Variants in RBFOX1 observed in about 807,000 individuals in gnomAD.
RBFOX1 encodes the protein RNA binding protein fox-1 homolog 1.
RBFOX1 carries 8 observed loss-of-function variants against 57.7 expected under a neutral mutation model. That is an observed-to-expected ratio of 0.14 (90% CI 0.08 to 0.25). The LOEUF (loss-of-function observed/expected upper bound fraction) is 0.25. Among genes scored for constraint, RBFOX1 ranks in the 10% least tolerant of loss-of-function variants. The probability of loss-of-function intolerance (pLI) is 1.00; values close to 1 mark genes in which losing one functional copy is unlikely to be tolerated. For missense variants in RBFOX1, 611 were observed against 548.5 expected, an observed-to-expected ratio of 1.11 and a Z score of -1.14; for synonymous variants, 326 against 222.4, an observed-to-expected ratio of 1.47 and a Z score of -4.15.
rs112856937 is a variant in RBFOX1 at position 6,030,085 on chromosome 16, G to C, written c.-127+10093G>C. ...GCCACCAAGCCTGGCTAATTTTCGT[G>C]TTTTTAAATTTTTGTATTTTTTTGT... On this transcript the variant is annotated intron_variant, in intron 1 of 15. Coordinates refer to ENST00000550418, the MANE Select transcript of RBFOX1 (RefSeq NM_018723.4). Among the ~76,000 whole-genome samples, 440 of 152,054 alleles carry C rather than the reference G, an allele frequency of 2.9e-3. 5 individuals carry two copies. Among genetic ancestry groups the C allele is most frequent in the African/African-American group, 0.01 (424 of 41,482 alleles).
At chr16:7,629,335 G>C (rs1349299395) in intron 10 of RBFOX1, among the ~76,000 whole-genome samples, 1 of 152,180 alleles carries the variant, frequency 6.6e-6, no homozygotes, top group Non-Finnish European at 1.5e-5. Context: ...GTTGATCATA[G>C]GGAAGATACA....
At chr16:6,246,495 C>A (rs766113790) in intron 1 of RBFOX1, among the ~76,000 whole-genome samples, 1 of 152,118 alleles carries the variant, frequency 6.6e-6, no homozygotes, top group African/African-American at 2.4e-5. Flanking sequence ...TGGCTTTGAG[C>A]TCACCCATCA....
intron 3 of RBFOX1, among the ~76,000 whole-genome samples, chr16:6,909,825 G>C (rs983503972): frequency 2.6e-5 from 4 of 152,086 alleles, no homozygotes; most frequent in African/African-American, 9.7e-5. Flanking sequence ...TCTAAAGCAA[G>C]GTGTGCAGTT....
intron 2 of RBFOX1, among the ~76,000 whole-genome samples, chr16:6,559,417 C>G (rs1165734862): frequency 6.6e-6 from 1 of 151,966 alleles, no homozygotes. Flanking sequence ...GCTGCTAGTA[C>G]CACTGCTGAG....
rs577138016 is a variant in RBFOX1 at position 6,617,920 on chromosome 16, A to G, written c.-63-36683A>G. Among the ~76,000 whole-genome samples the G allele has an allele frequency of 3.3e-5, 5 of 152,300 alleles. No homozygotes were observed. In the South Asian group the frequency reaches 1.0e-3, roughly 32 times the overall value. On this transcript the variant is annotated intron_variant, in intron 2 of 15. Coordinates refer to ENST00000550418, the MANE Select transcript of RBFOX1 (RefSeq NM_018723.4). ...TGGGGGCAGGGGTAACAGCAAAAAC[A>G]AAACTTTTCAAACATGGAGGTGGTG...
At chr16:6,452,796 C>T (rs1050735872) in intron 2 of RBFOX1, among the ~76,000 whole-genome samples, 8 of 152,178 alleles carry the variant, frequency 5.3e-5, no homozygotes, top group Non-Finnish European at 7.3e-5. Context: ...TAATGAGTCT[C>T]TCTGTGTCTC....
chr16:7,177,325 A>C (rs76055324), intron 4 of RBFOX1, among the ~76,000 whole-genome samples: 126 of 152,296 alleles, frequency 8.3e-4, no homozygotes, highest in African/African-American at 3.0e-3. Flanking sequence ...GAAGGCCTCA[A>C]GAGCTGAGGA....
chr16:6,514,398 C>G (rs1163123804), intron 2 of RBFOX1, among the ~76,000 whole-genome samples: 1 of 152,088 alleles, frequency 6.6e-6, no homozygotes, highest in East Asian at 1.9e-4. Context: ...CTTTCTTTTG[C>G]CCACATGAAT....
intron 3 of RBFOX1, among the ~76,000 whole-genome samples, chr16:6,906,690 G>A (rs944005841): frequency 6.6e-6 from 1 of 151,640 alleles, no homozygotes; most frequent in Admixed American, 6.6e-5. Context: ...CTAGTTCAGA[G>A]CAGACTGGGT....
chr16:6,265,842 C>A lies in RBFOX1; in HGVS notation c.-126-51153C>A, dbSNP rs143264079. Among the ~76,000 whole-genome samples the A allele has an allele frequency of 2.7e-3, 412 of 152,280 alleles. 2 individuals are homozygous for A. The highest frequency in any genetic ancestry group is 9.2e-3 in the African/African-American group (384 of 41,546). On this transcript the variant is annotated intron_variant, in intron 1 of 15. Coordinates refer to ENST00000550418, the MANE Select transcript of RBFOX1 (RefSeq NM_018723.4). ...TTCTGCCCCCTCTTCTGCCCAGATT[C>A]TTCTTGCTCCCTCTCCTCCTCACTT... is the stretch of plus-strand genomic sequence containing the variant.
intron 1 of RBFOX1, among the ~76,000 whole-genome samples, chr16:6,121,103 A>C (rs1040257075): frequency 1.3e-5 from 2 of 152,156 alleles, no homozygotes; most frequent in African/African-American, 4.8e-5. Flanking sequence ...TTCCTGTCCA[A>C]CTGGCCTGTT....
intron 3 of RBFOX1, among the ~76,000 whole-genome samples, chr16:5,827,129 C>A (rs2056086895): frequency 6.6e-6 from 1 of 152,148 alleles, no homozygotes; most frequent in Admixed American, 6.5e-5. Flanking sequence ...AGGCCAGGCA[C>A]TGTGGCTCAT....
At chr16:6,429,293 C>T (rs1172449309) in intron 2 of RBFOX1, among the ~76,000 whole-genome samples, 1 of 152,260 alleles carries the variant, frequency 6.6e-6, no homozygotes, top group Non-Finnish European at 1.5e-5. Context: ...GTGCACACGG[C>T]CCTGGGATCT....
At chr16:6,768,695 C>CTA (rs146864975) in intron 3 of RBFOX1, among the ~76,000 whole-genome samples, 13,248 of 147,154 alleles carry the variant, frequency 0.09, 637 homozygotes, top group Admixed American at 0.12. Context: ...ATATATGTAC[C>CTA]TATATATATA....
chr16:6,354,371 G>C (rs1046356906), intron 2 of RBFOX1, among the ~76,000 whole-genome samples: 4 of 152,066 alleles, frequency 2.6e-5, no homozygotes, highest in Non-Finnish European at 5.9e-5. Flanking sequence ...CCCTATCTTC[G>C]TTTCTTTGTC....
intron 2 of RBFOX1, among the ~76,000 whole-genome samples, chr16:5,478,262 C>T (rs2069401763): frequency 6.6e-6 from 1 of 151,750 alleles, no homozygotes; most frequent in Non-Finnish European, 1.5e-5. Context: ...ATGATATTCA[C>T]ATTGTCCGAT....
intron 3 of RBFOX1, among the ~76,000 whole-genome samples, chr16:6,835,518 A>G (rs1193681846): frequency 6.6e-6 from 1 of 152,060 alleles, no homozygotes; most frequent in African/African-American, 2.4e-5. Flanking sequence ...TTGGGAGTCC[A>G]AGGTGGGAAG....
intron 1 of RBFOX1, among the ~76,000 whole-genome samples, chr16:6,115,766 G>C (rs943638205): frequency 1.8e-4 from 28 of 152,006 alleles, no homozygotes; most frequent in African/African-American, 6.5e-4. Flanking sequence ...TTTGCCTTGT[G>C]GTCATAATTC....
At chr16:7,227,675 C>G (rs947068017) in intron 4 of RBFOX1, among the ~76,000 whole-genome samples, 2 of 152,136 alleles carry the variant, frequency 1.3e-5, no homozygotes, top group African/African-American at 4.8e-5. Flanking sequence ...GTGGATGGGT[C>G]CTTCCAGCGG....
Sources: gnomAD v4.1 joint callset for allele counts (sites outside exome capture counted in the v4.1 genomes callset) on GRCh38, gnomAD v4.1.1 for gene constraint, MANE v1.5 for transcripts, NCBI Gene and HGNC (gene_info 2026-07-23, HGNC 2026-07-21) for gene names.